The following ZNF646 variants were observed in gnomAD, a reference collection of about 807,000 sequenced individuals.
ZNF646 encodes zinc finger protein 646.
In ZNF646, 49 loss-of-function variants were observed where a neutral mutation model predicts 115.4. The ratio of observed to expected loss-of-function variants is 0.42; its 90% CI spans 0.34 to 0.54. ZNF646 has a LOEUF of 0.54. Ranked by LOEUF, ZNF646 falls within the 20% of genes least tolerant of loss-of-function variation. The pLI, the probability that ZNF646 is intolerant of heterozygous loss-of-function variation, is 0.04. For synonymous variants in ZNF646, 933 were observed against 939.0 expected, an observed-to-expected ratio of 0.99 and a Z score of 0.12; for missense variants, 2,269 against 2,457.9, an observed-to-expected ratio of 0.92 and a Z score of 1.62.
rs1357176591 is a variant in ZNF646 at position 31,081,389 on chromosome 16, G to A, written c.5065G>A (p.Ala1689Thr). The change falls in exon 2 of 3, where the codon GCT (alanine) becomes ACT (threonine). Residue 1689 changes from alanine to threonine, a missense_variant. Around this residue, in one of 5 missense-constraint regions of ZNF646, gnomAD observed 1,062 missense variants for 1,172.8 expected, o/e 0.91. Transcript: ENST00000300850. ...CCAGTGCGGGCGCTCCTACCGCCAT[G>A]CTGGCAGCCTGCTGAACCACCAGAA... is the stretch of plus-strand genomic sequence containing the variant. ...CTQCGRSYRH[A>T]GSLLNHQKAH... 4 of 1,611,712 alleles carry A rather than the reference G, an allele frequency of 2.5e-6. No homozygotes were observed. The highest frequency in any genetic ancestry group is 2.2e-5 in the East Asian group (1 of 44,804).
At position 31,076,331 on chromosome 16, in the gene ZNF646, G is replaced by A. The variant is rs1322274866; in HGVS notation, c.7G>A (p.Asp3Asn). ...GTTTCTGCTACGTTGCCCCATGGAG[G>A]ACACACCCCCCTCACTCAGCTGCTC... ME[D>N]TPPSLSCSDC... Residue 3 changes from aspartate to asparagine, a missense_variant, in exon 2 of 3, where the codon GAC (aspartate) becomes AAC (asparagine). Asp to Asn is a conservative substitution (Grantham distance 23). This residue lies in a region of ZNF646 where 334 missense variants were observed against 323.5 expected (regional missense o/e 1.03). Transcript: ENST00000300850. The A allele has an allele frequency of 6.2e-7, 1 of 1,608,218 alleles. No homozygotes were observed. The highest frequency in any genetic ancestry group is 8.5e-7 in the Non-Finnish European group (1 of 1,176,286).
At position 31,081,226 on chromosome 16, in the gene ZNF646, T is replaced by C. The variant is rs775857981; in HGVS notation, c.4902T>C (p.Val1634=). ...CCGGGACTGGGGAGGACCAGGTGGTTCTCCCTGGTCAAGGGAAAGCCCAGG... is the reference window on the plus strand; with the variant it reads ...CCGGGACTGGGGAGGACCAGGTGGTCCTCCCTGGTCAAGGGAAAGCCCAGG... ...PKAGTGEDQV[V]LPGQGKAQEA... is the part of the protein sequence containing the mutation. Residue 1634 remains valine, a synonymous_variant, in exon 2 of 3, where the codon GTT becomes GTC. Coordinates refer to ENST00000300850, the MANE Select transcript of ZNF646 (RefSeq NM_014699.4). 2 of 1,589,846 alleles carry C rather than the reference T, an allele frequency of 1.3e-6. No homozygotes were observed. Among genetic ancestry groups the C allele is most frequent in the Admixed American group, 1.8e-5 (1 of 56,848 alleles).
At chr16:31,081,882 C>A (rs1472615069) in intron 2 of ZNF646, 181 bp downstream of exon 2, 40 of 1,071,018 alleles carry the variant, frequency 3.7e-5, no homozygotes, top group Non-Finnish European at 4.9e-5. Context: ...TGAGCACCCG[C>A]AAGTCAGGTA....
At chr16:31,082,314 ATCTCT>A (rs2057173482) in intron 2 of ZNF646, 1 of 172,068 alleles carries the variant, frequency 5.8e-6, no homozygotes, top group South Asian at 1.9e-4. Context: ...TGTTGCTCCC[ATCTCT>A]TCTCTAACCT....
chr16:31,079,861 G>A lies in ZNF646; in HGVS notation c.3537G>A (p.Gly1179=). The A allele has an allele frequency of 6.2e-7, 1 of 1,613,092 alleles. No individual in the cohort carries two copies. Residue 1179 remains glycine, a synonymous_variant, in exon 2 of 3, where the codon GGG becomes GGA. Coordinates refer to ENST00000300850, the MANE Select transcript of ZNF646 (RefSeq NM_014699.4). The surrounding 1 kb of genome is among the most constrained non-coding windows in gnomAD (Gnocchi z 5.5). ...TGTGGGAGGAGACCACTGTGAAGGG[G>A]GAGGAGATAGAGCCCAGGCTGGAGA... ...EEVWEETTVK[G]EEIEPRLETA... is the part of the protein sequence containing the mutation.
In ZNF646 at chr16:31,081,049, C is replaced by T. The variant is rs753864793; in HGVS notation, c.4725C>T (p.His1575=). 3.1e-6 allele frequency: 5 copies of T among 1,613,906 alleles called. No homozygotes were observed. The Admixed American group carries it at 5.0e-5, about 16-fold the overall frequency. Residue 1575 remains histidine (H), a synonymous_variant, in exon 2 of 3, where the codon CAC becomes CAT. Coordinates refer to ENST00000300850, the MANE Select transcript of ZNF646 (RefSeq NM_014699.4). ...TAAATCCTGTGGCCACAAAGAGCCA[C>T]AGCCACAACCACATAGACGCCCAGA... The part of the protein sequence containing the change: ...EFLNPVATKS[H]SHNHIDAQTF...
rs1299206950 is a variant in ZNF646, at chr16:31,077,053, G to A, written c.729G>A (p.Gln243=). ...AGGAGCGGCGGTACAAATGTAGTCA[G>A]TGTGGCAAGACCTACAAGCACGCCG... The part of the protein sequence containing the change: ...AEEERRYKCS[Q]CGKTYKHAGS... Residue 243 remains glutamine (Q), a synonymous_variant, in exon 2 of 3, where the codon CAG becomes CAA. Transcript: ENST00000300850. 2 of 1,614,046 alleles carry A rather than the reference G, an allele frequency of 1.2e-6. No homozygotes were observed. Among genetic ancestry groups the A allele is most frequent in the Non-Finnish European group, 1.7e-6 (2 of 1,179,968 alleles).
At chr16:31,082,940 A>C in intron 2 of ZNF646, 31 bp from the exon 3 acceptor site, 1 of 1,557,692 alleles carries the variant, frequency 6.4e-7, no homozygotes, top group Non-Finnish European at 8.7e-7. Context: ...TCTGCCCCTC[A>C]GTTGGTGACC....
chr16:31,084,153 G>T lies in ZNF646; in HGVS notation c.*1061G>T, dbSNP rs770579035. On this transcript the variant is annotated 3_prime_UTR_variant, in exon 3 of 3. Coordinates refer to ENST00000300850, the MANE Select transcript of ZNF646 (RefSeq NM_014699.4). ...CCAGGCAGCTTCCAGGCTCAGCCTC[G>T]GGCTCTGGTTCCTCGGCGAAGTAGA... The T allele has an allele frequency of 1.3e-6, 2 of 1,595,538 alleles. No homozygotes were observed. Among genetic ancestry groups the T allele is most frequent in the East Asian group, 4.5e-5 (2 of 44,082 alleles).
chr16:31,082,931 C>G, intron 2 of ZNF646, 40 bp from the exon 3 acceptor site: 1 of 1,552,994 alleles, frequency 6.4e-7, no homozygotes, highest in Non-Finnish European at 8.7e-7. Context: ...TGTGCGGGGT[C>G]TGCCCCTCAG....
rs995597956 is a variant in ZNF646, at chr16:31,074,433, G to A, written c.-278G>A. The A allele has an allele frequency of 2.0e-5, 3 of 152,306 alleles. No individual in the cohort carries two copies. Among genetic ancestry groups the A allele is most frequent in the African/African-American group, 7.2e-5 (3 of 41,466 alleles). 9.4% of individuals were successfully genotyped at this position (152,306 alleles called of 1,614,324 possible). On this transcript the variant is annotated 5_prime_UTR_variant, in exon 1 of 3. Transcript: ENST00000300850. ...ACTTCCTGTTTCCTAGTAACAATAG[G>A]AAGTGTCCGTAGAGCTGGGAGTAGA...
rs376758808 is a variant in ZNF646 at position 31,081,322 on chromosome 16, G to A, written c.4998G>A (p.Thr1666=). Residue 1666 remains threonine (T), a synonymous_variant, in exon 2 of 3, where the codon ACG becomes ACA. Coordinates refer to ENST00000300850, the MANE Select transcript of ZNF646 (RefSeq NM_014699.4). ...VERARGGQAV[T]SMAAEDKERP... ...GAGCCAGGGGAGGACAAGCGGTGAC[G>A]TCCATGGCGGCTGAGGACAAGGAGC... 5.6e-6 allele frequency: 9 copies of A among 1,613,812 alleles called. No homozygotes were observed. Among genetic ancestry groups the A allele is most frequent in the Middle Eastern group, 3.3e-4 (2 of 6,080 alleles).
chr16:31,077,129 G>A lies in ZNF646; in HGVS notation c.805G>A (p.Ala269Thr), dbSNP rs774529327. 6.2e-7 allele frequency: 1 copy of A among 1,614,152 alleles called. No homozygotes were observed. The highest frequency in any genetic ancestry group is 1.1e-5 in the South Asian group (1 of 91,084). The change falls in exon 2 of 3, where the codon GCC (alanine) becomes ACC (threonine). Residue 269 changes from alanine (A) to threonine (T), a missense_variant. Around this residue, in one of 5 missense-constraint regions of ZNF646, gnomAD observed 19 missense variants for 44.9 expected, o/e 0.42. Transcript: ENST00000300850. ...CCACACGCTGGGCATCTACCCCTGT[G>A]CCATCTGTTTCAAGGAGTTCTCTAA... is the stretch of plus-strand genomic sequence containing the variant. ...QSHTLGIYPC[A>T]ICFKEFSNLM...
In ZNF646 at chr16:31,076,650, G is replaced by A. The variant is rs767668333; in HGVS notation, c.326G>A (p.Arg109His). Residue 109 changes from arginine to histidine, a missense_variant, in exon 2 of 3, where the codon CGC becomes CAC. Around this residue, in one of 5 missense-constraint regions of ZNF646, gnomAD observed 334 missense variants for 323.5 expected, o/e 1.03. Transcript: ENST00000300850. ...PEGRRRHRPP[R>H]PKEATPHLQG... Reference sequence around the variant, plus strand: ...GGCCGCCGCAGGCACAGGCCCCCACGCCCCAAGGAAGCCACTCCACACCTC... The same window carrying A: ...GGCCGCCGCAGGCACAGGCCCCCACACCCCAAGGAAGCCACTCCACACCTC... The A allele has an allele frequency of 1.9e-5, 30 of 1,612,664 alleles. No individual in the cohort carries two copies. In the East Asian group the frequency reaches 3.1e-4, roughly 17 times the overall value.
chr16:31,074,000 A>G (rs1447547154), upstream of ZNF646: 1 of 152,248 alleles, frequency 6.6e-6, no homozygotes, highest in Non-Finnish European at 1.5e-5. Flanking sequence ...GGGAGGACAA[A>G]AAGGCCATGC....
At chr16:31,076,053 C>T (rs2057071733) in intron 1 of ZNF646, 193 bp from the exon 2 acceptor site, 1 of 427,114 alleles carries the variant, frequency 2.3e-6, no homozygotes, top group East Asian at 3.7e-5. Context: ...TAGGGGAGCT[C>T]CTATATTTGG....
chr16:31,076,678 G>T lies in ZNF646; in HGVS notation c.354G>T (p.Gln118His). 1 of 1,613,372 alleles carries T rather than the reference G, an allele frequency of 6.2e-7. No individual in the cohort carries two copies. The highest frequency in any genetic ancestry group is 8.5e-7 in the Non-Finnish European group (1 of 1,179,822). Residue 118 changes from glutamine (Q) to histidine (H), a missense_variant, in exon 2 of 3, where the codon CAG (glutamine) becomes CAT (histidine). Gln to His is a conservative substitution (Grantham distance 24, BLOSUM62 0). Around this residue, in one of 5 missense-constraint regions of ZNF646, gnomAD observed 334 missense variants for 323.5 expected, o/e 1.03. Coordinates refer to ENST00000300850, the MANE Select transcript of ZNF646 (RefSeq NM_014699.4). ...PRPKEATPHL[Q>H]GETVSTDSWG... ...CCAAGGAAGCCACTCCACACCTCCAGGGTGAGACGGTGTCCACTGACTCCT... is the reference window on the plus strand; with the variant it reads ...CCAAGGAAGCCACTCCACACCTCCATGGTGAGACGGTGTCCACTGACTCCT...
At position 31,084,015 on chromosome 16, in the gene ZNF646, AC is replaced by A; in HGVS notation, c.*926del. On this transcript the variant is annotated 3_prime_UTR_variant, in exon 3 of 3. Coordinates refer to ENST00000300850, the MANE Select transcript of ZNF646 (RefSeq NM_014699.4). ...ATCAAATGGGTCTGCCTGTTGCTCC[AC>A]CCTACCCAAGGCAGCTGGAGTGGGT... The A allele has an allele frequency of 6.7e-7, 1 of 1,501,118 alleles. No individual in the cohort carries two copies. Among genetic ancestry groups the A allele is most frequent in the Non-Finnish European group, 8.9e-7 (1 of 1,120,596 alleles). The allele number at this position is 1,501,118 out of a possible 1,614,324, so 93.0% of individuals were successfully genotyped here. A position where few individuals can be genotyped will look rare whatever the true frequency, so the allele number is the denominator to read the frequency against.
Position 31,079,852 on chromosome 16 carries a change from T to C in ZNF646, c.3528T>C (p.Thr1176=), listed in dbSNP as rs75521363. Residue 1176 remains threonine (T), a synonymous_variant, in exon 2 of 3, where the codon ACT becomes ACC. Coordinates refer to ENST00000300850, the MANE Select transcript of ZNF646 (RefSeq NM_014699.4). This position sits in a 1 kb window ranked among gnomAD's most constrained non-coding sequence, Gnocchi z 5.5. The stretch of plus-strand genomic sequence containing the variant: ...AAGAAGAGGTGTGGGAGGAGACCAC[T>C]GTGAAGGGGGAGGAGATAGAGCCCA... ...RVKEEVWEET[T]VKGEEIEPRL... The C allele has an allele frequency of 6.2e-7, 1 of 1,613,208 alleles. No individual in the cohort carries two copies. Among genetic ancestry groups the C allele is most frequent in the Non-Finnish European group, 8.5e-7 (1 of 1,179,554 alleles).
Sources: gnomAD v4.1 joint callset for allele counts on GRCh38, gnomAD v4.1.1 for gene constraint, gnomAD v4.1.1 regional missense constraint, Gnocchi (gnomAD v3.1) non-coding constraint, MANE v1.5 for transcripts, NCBI Gene and HGNC (gene_info 2026-07-23, HGNC 2026-07-21) for gene names.